DMXL1: variants seen among roughly 807,000 people sequenced by gnomAD.
DMXL1 encodes Dmx like 1.
A neutral mutation model predicts 319.2 loss-of-function variants in DMXL1; 99 were observed. The observed-to-expected ratio is 0.31, with a 90% confidence interval of 0.26 to 0.37. DMXL1 has a LOEUF of 0.37. Ranked by LOEUF, DMXL1 falls within the 10% of genes least tolerant of loss-of-function variation. The pLI is 1.00. For missense variants in DMXL1, 3,745 were observed against 3,595.6 expected, an observed-to-expected ratio of 1.04 and a Z score of -1.06; for synonymous variants, 1,385 against 1,235.2, an observed-to-expected ratio of 1.12 and a Z score of -2.54.
At chr5:119,175,619 G>A (rs1166884127) in intron 26 of DMXL1, among the ~76,000 whole-genome samples, 5 of 152,074 alleles carry the variant, frequency 3.3e-5, no homozygotes, top group Non-Finnish European at 5.9e-5. Context: ...ATATGATAAA[G>A]TCTATTTCTT....
chr5:119,209,668 C>G (rs1398466149), intron 34 of DMXL1, among the ~76,000 whole-genome samples: 3 of 152,134 alleles, frequency 2.0e-5, no homozygotes, highest in Non-Finnish European at 4.4e-5. Context: ...TTCTTACCAA[C>G]AGTTGGTGTG....
At chr5:119,150,805 C>G (rs1769611449) in intron 18 of DMXL1, among the ~76,000 whole-genome samples, 1 of 151,268 alleles carries the variant, frequency 6.6e-6, no homozygotes, top group African/African-American at 2.4e-5. Flanking sequence ...AAAAAAATAC[C>G]ATGAAGGTTT....
intron 16 of DMXL1, 29 bp from the exon 17 acceptor site, chr5:119,147,220 G>C (rs1768764565): frequency 1.3e-6 from 2 of 1,590,452 alleles, no homozygotes; most frequent in Non-Finnish European, 1.7e-6. Flanking sequence ...CCCTGCCTCA[G>C]TTTTTGGTTC....
At chr5:119,185,779 A>ACT (rs1210143958) in intron 28 of DMXL1, among the ~76,000 whole-genome samples, 1 of 151,732 alleles carries the variant, frequency 6.6e-6, no homozygotes, top group Non-Finnish European at 1.5e-5. Flanking sequence ...CTGGGATTAC[A>ACT]GGCATGATCC....
intron 28 of DMXL1, among the ~76,000 whole-genome samples, chr5:119,185,557 C>T (rs978101540): frequency 3.3e-5 from 5 of 152,108 alleles, no homozygotes; most frequent in Non-Finnish European, 5.9e-5. Flanking sequence ...GGCTGGAGTG[C>T]ACTGGCATGA....
intron 1 of DMXL1, among the ~76,000 whole-genome samples, chr5:119,081,376 C>T (rs897877012): frequency 6.6e-6 from 1 of 152,188 alleles, no homozygotes; most frequent in African/African-American, 2.4e-5. Flanking sequence ...ATTTAACTAA[C>T]ATTTATTGAT....
At chr5:119,134,444 T>A in intron 13 of DMXL1, 55 bp downstream of exon 13, 1 of 1,397,720 alleles carries the variant, frequency 7.2e-7, no homozygotes, top group Non-Finnish European at 9.7e-7. Flanking sequence ...TTTCAGATAG[T>A]TTATATTTAT....
At chr5:119,184,440 A>G (rs567775225) in intron 28 of DMXL1, among the ~76,000 whole-genome samples, 7 of 152,222 alleles carry the variant, frequency 4.6e-5, no homozygotes, top group Non-Finnish European at 7.4e-5. Flanking sequence ...TAATATTTCT[A>G]AGTCCTAAGT....
intron 19 of DMXL1, among the ~76,000 whole-genome samples, chr5:119,159,393 G>A (rs908750196): frequency 2.6e-5 from 4 of 152,184 alleles, no homozygotes; most frequent in African/African-American, 4.8e-5. Context: ...CGCCATGCCC[G>A]GCCTGATGGG....
At chr5:119,223,032 T>C (rs916674373) in intron 37 of DMXL1, among the ~76,000 whole-genome samples, 4 of 151,510 alleles carry the variant, frequency 2.6e-5, no homozygotes, top group Non-Finnish European at 2.9e-5. Context: ...TTACCAGTTA[T>C]TGAAATTATT....
At position 119,196,444 on chromosome 5, in the gene DMXL1, C is replaced by T. The variant is rs767658010; in HGVS notation, c.7531C>T (p.His2511Tyr). The change falls in exon 31 of 44, where the codon CAT becomes TAT. Residue 2511 changes from histidine (H) to tyrosine (Y), a missense_variant. Coordinates refer to ENST00000539542, the MANE Select transcript of DMXL1 (RefSeq NM_001290321.3). ...GAAGACTTTTTATCCCTTCGCAGGT[C>T]ATGATCTTGCAGGTAATAAATAGCT... ...NLKTFYPFAGHDLAELPVSSP... is the reference protein window; with the variant it reads ...NLKTFYPFAGYDLAELPVSSP... 3 of 1,608,482 alleles carry T rather than the reference C, an allele frequency of 1.9e-6. No homozygotes were observed. Among genetic ancestry groups the T allele is most frequent in the South Asian group, 2.2e-5 (2 of 90,934 alleles).
intron 9 of DMXL1, among the ~76,000 whole-genome samples, chr5:119,122,222 C>T (rs1472312712): frequency 3.6e-5 from 5 of 138,232 alleles, no homozygotes; most frequent in Non-Finnish European, 6.3e-5. Flanking sequence ...CGGGCAGAGG[C>T]GCCCCTCACC....
intron 23 of DMXL1, 50 bp from the exon 24 acceptor site, chr5:119,170,140 A>C (rs1230172291): frequency 6.6e-7 from 1 of 1,523,398 alleles, no homozygotes; most frequent in Non-Finnish European, 8.8e-7. Flanking sequence ...CTACAATAGA[A>C]ACACACAGTT....
chr5:119,230,177 T>A (rs1786412576), intron 38 of DMXL1, among the ~76,000 whole-genome samples: 1 of 152,208 alleles, frequency 6.6e-6, no homozygotes, highest in East Asian at 1.9e-4. Context: ...AAAGATAACA[T>A]GAGTGTATTT....
intron 5 of DMXL1, among the ~76,000 whole-genome samples, chr5:119,113,114 C>T (rs557749700): frequency 2.6e-5 from 4 of 152,198 alleles, no homozygotes; most frequent in African/African-American, 7.2e-5. Flanking sequence ...TATTTGAAAT[C>T]ATTGTATGTA....
In DMXL1 at chr5:119,171,174, C is replaced by A; in HGVS notation, c.6383C>A (p.Ser2128Ter). ...AGACAGTGGCTCTTGAAGTATCAGT[C>A]ACTTTTGAGAATGTTTCTTAGTTAC... ...EKRQWLLKYQ[S>*]LLRMFLSYCI... The change falls in exon 24 of 44, where the codon TCA (serine) becomes TAA (stop). Residue 2128 changes from serine to a stop codon, truncating the protein, a stop_gained. Transcript: ENST00000539542. LOFTEE classifies it high-confidence loss of function. 1.2e-6 allele frequency: 2 copies of A among 1,613,906 alleles called. No homozygotes were observed. Among genetic ancestry groups the A allele is most frequent in the South Asian group, 2.2e-5 (2 of 91,038 alleles).
intron 5 of DMXL1, among the ~76,000 whole-genome samples, chr5:119,111,621 T>G (rs1044486143): frequency 2.6e-5 from 4 of 152,182 alleles, no homozygotes; most frequent in African/African-American, 9.7e-5. Context: ...AAATTAATAG[T>G]TCTAACCGTA....
rs146610586 is a variant in DMXL1 at position 119,075,502 on chromosome 5, G to A, written c.87+3846G>A. Among the ~76,000 whole-genome samples the A allele has an allele frequency of 5.9e-3, 895 of 152,032 alleles. 4 individuals are homozygous for A. Among genetic ancestry groups the A allele is most frequent in the Non-Finnish European group, 9.1e-3 (620 of 67,966 alleles). On this transcript the variant is annotated intron_variant, in intron 1 of 43. Transcript: ENST00000539542. ...GATCCGCCCACCTCGGCCTCCCCAC[G>A]TACTGGGATTACAGGCGTGAGCCAC...
At chr5:119,163,850 C>T (rs2150220572) in intron 19 of DMXL1, among the ~76,000 whole-genome samples, 1 of 152,302 alleles carries the variant, frequency 6.6e-6, no homozygotes, top group East Asian at 1.9e-4. Flanking sequence ...GCTGGGATTA[C>T]AGGCATGAGC....
Sources: allele counts gnomAD v4.1 joint callset (sites outside exome capture counted in the v4.1 genomes callset), GRCh38; gene constraint gnomAD v4.1.1; transcripts MANE v1.5; gene names NCBI Gene and HGNC (gene_info 2026-07-23, HGNC 2026-07-21).